SLC2A14: variants seen among roughly 807,000 people sequenced by gnomAD.
The protein encoded by SLC2A14 is solute carrier family 2, facilitated glucose transporter member 14.
A neutral mutation model predicts 43.0 loss-of-function variants in SLC2A14; 13 were observed. The ratio of observed to expected loss-of-function variants is 0.30; its 90% CI spans 0.20 to 0.48. The LOEUF (loss-of-function observed/expected upper bound fraction) is 0.48, where lower values mean the gene tolerates loss of function less well. Ranked by LOEUF, SLC2A14 falls within the 20% of genes least tolerant of loss-of-function variation. SLC2A14 has a pLI of 0.99. For synonymous variants in SLC2A14, 190 were observed against 233.8 expected (o/e 0.81, Z 1.71); for missense variants, 428 against 620.4 (o/e 0.69, Z 3.29).
At chr12:7,857,074 AC>A (rs1444133542) in intron 2 of SLC2A14, among the ~76,000 whole-genome samples, 2 of 151,354 alleles carry the variant, frequency 1.3e-5, no homozygotes, top group East Asian at 3.9e-4. Context: ...ACATGGTGAA[AC>A]CCCATCTCTA....
chr12:7,839,772 C>T (rs2120845370), intron 2 of SLC2A14: 1 of 451,476 alleles, frequency 2.2e-6, no homozygotes, highest in South Asian at 1.6e-5. Context: ...GAGTAATACC[C>T]ATACAGAAGG....
At chr12:7,846,554 A>T (rs1156816487) in intron 2 of SLC2A14, among the ~76,000 whole-genome samples, 2 of 151,938 alleles carry the variant, frequency 1.3e-5, no homozygotes, top group Admixed American at 1.3e-4. Flanking sequence ...CACTTAAAGT[A>T]TGGTGTCCAG....
intron 2 of SLC2A14, among the ~76,000 whole-genome samples, chr12:7,837,638 C>A (rs373431267): frequency 2.8e-3 from 148 of 52,874 alleles, no homozygotes; most frequent in South Asian, 4.8e-3. Flanking sequence ...AACTTCGTCT[C>A]AAAAAAAAAA....
chr12:7,872,599 G>A (rs2121075596), intron 1 of SLC2A14: 1 of 268,962 alleles, frequency 3.7e-6, no homozygotes, highest in African/African-American at 2.3e-5. Context: ...ACCTAGAGCG[G>A]AGCCCAGGAC....
At chr12:7,840,125 A>AAG (rs1327663648) in intron 2 of SLC2A14, among the ~76,000 whole-genome samples, 1 of 147,340 alleles carries the variant, frequency 6.8e-6, no homozygotes, top group African/African-American at 2.5e-5. Flanking sequence ...AAAAAAAAAA[A>AAG]AAAGTGCGGT....
In SLC2A14 at chr12:7,861,217, T is replaced by C. The variant is rs757960008; in HGVS notation, c.18+8646A>G. On this transcript the variant is annotated intron_variant, in intron 2 of 10. Transcript: ENST00000431042. ...GTGAGGAAAAGGCACCAGAGCAACA[T>C]TGGAAGAGAGTTTGGAGCAATAGTC... Among the ~76,000 whole-genome samples, 20 of 152,182 alleles carry C rather than the reference T, an allele frequency of 1.3e-4. 1 individual carries two copies. Among genetic ancestry groups the C allele is most frequent in the South Asian group, 6.2e-4 (3 of 4,826 alleles).
upstream of SLC2A14, among the ~76,000 whole-genome samples, chr12:7,875,879 G>A (rs1220406249): frequency 3.3e-5 from 5 of 152,088 alleles, no homozygotes; most frequent in African/African-American, 1.2e-4. Context: ...TGGAGGCTGA[G>A]GCAGGAGATT....
intron 2 of SLC2A14, chr12:7,860,477 A>T (rs1208850695): frequency 6.6e-6 from 1 of 152,096 alleles, no homozygotes; most frequent in Admixed American, 6.6e-5. Context: ...TTGGAACCAG[A>T]GGTGATAATT....
upstream of SLC2A14, among the ~76,000 whole-genome samples, chr12:7,874,964 A>T (rs1345530192): frequency 1.4e-4 from 2 of 13,930 alleles, no homozygotes; most frequent in Admixed American, 8.7e-4. Flanking sequence ...TTATATATAA[A>T]TTATATATAA....
At position 7,813,537 on chromosome 12, in the gene SLC2A14, G is replaced by A. The variant is rs1863190520; in HGVS notation, c.*779C>T. ...TTATCTTAAAGATAAAGTTCCAAAG[G>A]AAATGAGTAGCTTTATTAAATAGGC... is the stretch of plus-strand genomic sequence containing the variant. On this transcript the variant is annotated 3_prime_UTR_variant, in exon 11 of 11. Coordinates refer to ENST00000431042, the MANE Select transcript of SLC2A14 (RefSeq NM_001286234.2). 6.6e-6 allele frequency: 1 copy of A among 152,104 alleles called. No individual in the cohort carries two copies. Among genetic ancestry groups the A allele is most frequent in the Non-Finnish European group, 1.5e-5 (1 of 68,038 alleles). The allele number at this position is 152,104 out of a possible 1,614,324, so 9.4% of individuals were successfully genotyped here. A position where few individuals can be genotyped will look rare whatever the true frequency, so the allele number is the denominator to read the frequency against.
intron 2 of SLC2A14, 98 bp from the exon 3 acceptor site, chr12:7,832,912 C>A: frequency 8.5e-7 from 1 of 1,182,308 alleles, no homozygotes; most frequent in East Asian, 2.4e-5. Context: ...GAGAATCTGA[C>A]CTATGAGTGG....
chr12:7,879,322 AACAAC>A (rs1565587774), intron 1 of SLC2A14, among the ~76,000 whole-genome samples: 4 of 45,438 alleles, frequency 8.8e-5, no homozygotes, highest in African/African-American at 1.8e-4. Context: ...AAAAAAAACA[AACAAC>A]AACAAAAAAA....
At chr12:7,850,904 A>G (rs1866887346) in intron 2 of SLC2A14, 1 of 152,118 alleles carries the variant, frequency 6.6e-6, no homozygotes, top group African/African-American at 2.4e-5. Context: ...TGTCTCTTTT[A>G]TCCTAGATGC....
chr12:7,828,474 A>G (rs4883449), intron 6 of SLC2A14, among the ~76,000 whole-genome samples: 86,720 of 151,656 alleles, frequency 0.57, 27,328 homozygotes, highest in Non-Finnish European at 0.71. Context: ...CTTAGAACCC[A>G]GGAGGCGGAG....
intron 7 of SLC2A14, among the ~76,000 whole-genome samples, chr12:7,826,868 TCTTTCTTTC>T (rs1565507724): frequency 9.8e-5 from 5 of 51,120 alleles, no homozygotes; most frequent in African/African-American, 2.3e-4. Context: ...CTTTTTTCTT[TCTTTCTTTC>T]TTTCTTTCTT....
Position 7,813,246 on chromosome 12 carries a change from T to C in SLC2A14, c.*1070A>G, listed in dbSNP as rs1863172272. 6.6e-6 allele frequency: 1 copy of C among 152,054 alleles called. No individual in the cohort carries two copies. The highest frequency in any genetic ancestry group is 2.1e-4 in the South Asian group (1 of 4,810). The allele number at this position is 152,054 out of a possible 1,614,324, so 9.4% of individuals were successfully genotyped here. On this transcript the variant is annotated 3_prime_UTR_variant, in exon 11 of 11. Coordinates refer to ENST00000431042, the MANE Select transcript of SLC2A14 (RefSeq NM_001286234.2). ...ACCTAAAATCTCCTAAAGAACAAAGTGGAGAAATAATGAATCTCTACCAAG... is the reference window on the plus strand; with the variant it reads ...ACCTAAAATCTCCTAAAGAACAAAGCGGAGAAATAATGAATCTCTACCAAG...
chr12:7,878,352 G>A (rs1028022705), upstream of SLC2A14, among the ~76,000 whole-genome samples: 1 of 151,860 alleles, frequency 6.6e-6, no homozygotes, highest in Non-Finnish European at 1.5e-5. Flanking sequence ...TGCCAGCCCT[G>A]GGTTCAAGTG....
chr12:7,826,858 C>CCTTCCTTTCTT lies in SLC2A14; in HGVS notation c.864+636_864+637insAAGAAAGGAAG, dbSNP rs1565507403. Among the ~76,000 whole-genome samples the CCTTCCTTTCTT allele has an allele frequency of 8.9e-3, 384 of 43,214 alleles. 43 individuals carry two copies. Among genetic ancestry groups the CCTTCCTTTCTT allele is most frequent in the Middle Eastern group, 0.029 (3 of 104 alleles). The allele number at this position is 43,214 out of a possible 152,430, so 28.4% of individuals were successfully genotyped here. On this transcript the variant is annotated intron_variant, in intron 7 of 10. Transcript: ENST00000431042. Reference sequence around the variant, plus strand: ...CTTTCCTTCCTTCCTTCCTTCCTTTCTTTTTTCTTTCTTTCTTTCTTTCTT... The same window carrying CCTTCCTTTCTT: ...CTTTCCTTCCTTCCTTCCTTCCTTTCCTTCCTTTCTTTTTTTTCTTTCTTTCTTTCTTTCTT...
At chr12:7,832,064 C>G (rs1244789152) in intron 3 of SLC2A14, among the ~76,000 whole-genome samples, 1 of 152,200 alleles carries the variant, frequency 6.6e-6, no homozygotes, top group Non-Finnish European at 1.5e-5. Context: ...GCCGAGATAG[C>G]GCCATTGCAC....
Sources: gnomAD v4.1 joint callset for allele counts (sites outside exome capture counted in the v4.1 genomes callset) on GRCh38, gnomAD v4.1.1 for gene constraint, MANE v1.5 for transcripts, NCBI Gene and HGNC (gene_info 2026-07-23, HGNC 2026-07-21) for gene names.